Variants in RABEPK observed in about 807,000 individuals in gnomAD.
RABEPK encodes 40 kDa Rab9 effector protein.
Under a neutral mutation model 34.1 loss-of-function variants are expected in RABEPK, and 27 were observed. The observed-to-expected ratio is 0.79, with a 90% CI of 0.58 to 1.09. The LOEUF (loss-of-function observed/expected upper bound fraction) is 1.09. Among genes scored for constraint, RABEPK ranks in the 50% least tolerant of loss-of-function variants. The pLI is 0.00. For missense variants in RABEPK, 449 were observed against 462.6 expected (o/e 0.97, Z 0.27); for synonymous variants, 172 against 169.2 (o/e 1.02, Z -0.13).
intron 4 of RABEPK, among the ~76,000 whole-genome samples, chr9:125,213,926 G>A (rs1830748407): frequency 6.6e-6 from 1 of 152,038 alleles, no homozygotes; most frequent in African/African-American, 2.4e-5. Flanking sequence ...TTTGAGATTG[G>A]CCTGGCCAGC....
chr9:125,200,900 G>A lies in RABEPK; in HGVS notation c.-13G>A, dbSNP rs1176973518. ...TTGGGGACAGCTGTCAGTGGCCTAGGCCGCAGGTGAGATTTATCCATTCAT... is the reference window on the plus strand; with the variant it reads ...TTGGGGACAGCTGTCAGTGGCCTAGACCGCAGGTGAGATTTATCCATTCAT... On this transcript the variant is annotated 5_prime_UTR_variant, in exon 1 of 8. Transcript: ENST00000373538. 2.1e-6 allele frequency: 1 copy of A among 469,886 alleles called. No individual in the cohort carries two copies. Among genetic ancestry groups the A allele is most frequent in the Non-Finnish European group, 4.4e-6 (1 of 226,474 alleles). 29.1% of individuals were successfully genotyped at this position (469,886 alleles called of 1,614,324 possible).
intron 3 of RABEPK, among the ~76,000 whole-genome samples, chr9:125,209,000 C>CTAAAATACAA (rs1830419059): frequency 6.6e-6 from 1 of 151,672 alleles, no homozygotes. Context: ...CAGCGAATAT[C>CTAAAATACAA]ATCTAAAATA....
At chr9:125,220,094 G>A (rs970416150) in intron 4 of RABEPK, among the ~76,000 whole-genome samples, 1 of 152,036 alleles carries the variant, frequency 6.6e-6, no homozygotes, top group African/African-American at 2.4e-5. Context: ...CACCTCCTGG[G>A]TTCAAGCGAT....
intron 1 of RABEPK, among the ~76,000 whole-genome samples, chr9:125,201,232 G>A (rs1025518235): frequency 1.3e-5 from 2 of 152,204 alleles, no homozygotes; most frequent in Non-Finnish European, 2.9e-5. Context: ...TTTGAACTGG[G>A]CTTTGAAGGT....
chr9:125,207,605 T>C lies in RABEPK; in HGVS notation c.95T>C (p.Val32Ala), dbSNP rs1352815186. 6.2e-7 allele frequency: 1 copy of C among 1,613,894 alleles called. No individual in the cohort carries two copies. The highest frequency in any genetic ancestry group is 8.5e-7 in the Non-Finnish European group (1 of 1,179,954). Reference protein sequence around the residue: ...TVPGDSPCARVGHSCSYLPPV... With the variant: ...TVPGDSPCARAGHSCSYLPPV... ...CCTGGAGACAGCCCCTGTGCTCGAG[T>C]TGGCCACAGCTGTTCATATTTACCC... Residue 32 changes from valine (V) to alanine (A), a missense_variant, in exon 3 of 8, where the codon GTT (valine) becomes GCT (alanine). Val to Ala is a moderately conservative substitution (Grantham distance 64, BLOSUM62 0). Transcript: ENST00000373538.
chr9:125,233,420 G>A (rs1012047067), intron 7 of RABEPK, among the ~76,000 whole-genome samples: 4 of 138,676 alleles, frequency 2.9e-5, no homozygotes, highest in African/African-American at 1.1e-4. Flanking sequence ...CTCACTGCAA[G>A]TTCCACCTCC....
intron 2 of RABEPK, among the ~76,000 whole-genome samples, chr9:125,205,487 G>A (rs993516816): frequency 2.0e-5 from 3 of 151,900 alleles, no homozygotes; most frequent in Non-Finnish European, 4.4e-5. Context: ...TCCTCAAAGC[G>A]TTTTTTTAGT....
At position 125,207,567 on chromosome 9, in the gene RABEPK, C is replaced by T. The variant is rs1310944976; in HGVS notation, c.57C>T (p.Tyr19=). 2 of 1,613,898 alleles carry T rather than the reference C, an allele frequency of 1.2e-6. No homozygotes were observed. The highest frequency in any genetic ancestry group is 1.7e-6 in the Non-Finnish European group (2 of 1,179,756). The part of the protein sequence containing the change: ...PGDKPRKATW[Y]TLTVPGDSPC... ...GAATACATCCTTCCTTTGGCAGGTA[C>T]ACCTTGACTGTCCCTGGAGACAGCC... is the stretch of plus-strand genomic sequence containing the variant. Residue 19 remains tyrosine (Y), a synonymous_variant, in exon 3 of 8, where the codon TAC becomes TAT. Coordinates refer to ENST00000373538, the MANE Select transcript of RABEPK (RefSeq NM_005833.4).
intron 6 of RABEPK, among the ~76,000 whole-genome samples, chr9:125,229,127 G>T (rs1831993325): frequency 6.6e-6 from 1 of 151,828 alleles, no homozygotes; most frequent in Admixed American, 6.6e-5. Flanking sequence ...GGTGGTGCAT[G>T]CCTGTAATCC....
intron 4 of RABEPK, chr9:125,220,251 C>T: frequency 7.8e-7 from 1 of 1,284,650 alleles, no homozygotes; most frequent in Non-Finnish European, 1.0e-6. Context: ...ATCCGCCCGC[C>T]TTGGCCTCCC....
Position 125,233,494 on chromosome 9 carries a change from A to G in RABEPK, c.827-194A>G, listed in dbSNP as rs569948274. 1.6e-4 allele frequency among the ~76,000 whole-genome samples: 25 copies of G among 151,978 alleles called. No individual in the cohort carries two copies. The East Asian group carries it at 4.7e-3, about 28-fold the overall frequency. ...GCTGGGACTACAGGTGCCCGCCACC[A>G]TGCCCAGCTAATTTTTTTTTTGTAT... On this transcript the variant is annotated intron_variant, in intron 7 of 7. Transcript: ENST00000373538.
chr9:125,213,577 A>G lies in RABEPK; in HGVS notation c.364+55A>G, dbSNP rs1472635179. 2.2e-6 allele frequency: 3 copies of G among 1,371,662 alleles called. No individual in the cohort carries two copies. In the African/African-American group the frequency reaches 4.3e-5, roughly 20 times the overall value. The allele number at this position is 1,371,662 out of a possible 1,614,324, so 85.0% of individuals were successfully genotyped here. On this transcript the variant is annotated intron_variant, in intron 4 of 7. Coordinates refer to ENST00000373538, the MANE Select transcript of RABEPK (RefSeq NM_005833.4). ...TACATACAAATAAACTTTCATGCACACACACACACATATATATAAATCCAA... is the reference window on the plus strand; with the variant it reads ...TACATACAAATAAACTTTCATGCACGCACACACACATATATATAAATCCAA...
intron 2 of RABEPK, among the ~76,000 whole-genome samples, chr9:125,203,796 G>C (rs907113940): frequency 6.6e-6 from 1 of 151,986 alleles, no homozygotes; most frequent in Non-Finnish European, 1.5e-5. Flanking sequence ...ACTTTGGGAG[G>C]CCAAGGCGGG....
At chr9:125,224,406 A>G (rs762673055) in intron 5 of RABEPK, among the ~76,000 whole-genome samples, 1 of 149,966 alleles carries the variant, frequency 6.7e-6, no homozygotes, top group African/African-American at 2.5e-5. Context: ...TGCTTTATGT[A>G]TATTATCTCA....
intron 2 of RABEPK, among the ~76,000 whole-genome samples, chr9:125,206,895 G>A (rs1418056617): frequency 2.6e-5 from 4 of 152,104 alleles, no homozygotes; most frequent in Non-Finnish European, 5.9e-5. Context: ...TTCGAGACCA[G>A]CCTGACCAAC....
In RABEPK at chr9:125,224,449, A is replaced by G. The variant is rs1312776082; in HGVS notation, c.527-3461A>G. Among the ~76,000 whole-genome samples the G allele has an allele frequency of 5.3e-5, 7 of 132,086 alleles. No homozygotes were observed. The East Asian group carries it at 1.5e-3, about 29-fold the overall frequency. 86.7% of individuals were successfully genotyped at this position (132,086 alleles called of 152,430 possible). ...CATACCTCAGCTCTTAAAAGTAGGTATTGTCTTTTTTTTTTTTTTTTGAGA... is the reference window on the plus strand; with the variant it reads ...CATACCTCAGCTCTTAAAAGTAGGTGTTGTCTTTTTTTTTTTTTTTTGAGA... On this transcript the variant is annotated intron_variant, in intron 5 of 7. Coordinates refer to ENST00000373538, the MANE Select transcript of RABEPK (RefSeq NM_005833.4).
intron 3 of RABEPK, among the ~76,000 whole-genome samples, chr9:125,210,597 G>A (rs1830523700): frequency 6.7e-6 from 1 of 149,258 alleles, no homozygotes; most frequent in Admixed American, 6.7e-5. Context: ...GCTTGTGCCC[G>A]TAGTCCCAGC....
intron 5 of RABEPK, among the ~76,000 whole-genome samples, chr9:125,226,328 C>CAA (rs539490598): frequency 1.5e-4 from 14 of 91,702 alleles, no homozygotes; most frequent in Admixed American, 2.2e-4. Context: ...CGACCCCCTG[C>CAA]AAAAAAAAAA....
chr9:125,221,568 A>G (rs1831334838), intron 5 of RABEPK: 1 of 152,054 alleles, frequency 6.6e-6, no homozygotes, highest in African/African-American at 2.4e-5. Context: ...TATAAAGTAA[A>G]AAAGTAAAAG....
Sources: allele counts gnomAD v4.1 joint callset (sites outside exome capture counted in the v4.1 genomes callset), GRCh38; gene constraint gnomAD v4.1.1; transcripts MANE v1.5; gene names NCBI Gene and HGNC (gene_info 2026-07-23, HGNC 2026-07-21).